Variants in XYLT1 observed in about 807,000 individuals in gnomAD.
XYLT1 encodes xylosyltransferase 1, also known as beta-D-xylosyltransferase 1.
A neutral mutation model predicts 91.3 loss-of-function variants in XYLT1; 36 were observed. The observed-to-expected ratio is 0.39, with a 90% CI of 0.30 to 0.52. XYLT1 has a LOEUF of 0.52. XYLT1 is among the 20% of genes least tolerant of loss of function. The pLI, the probability that XYLT1 is intolerant of heterozygous loss-of-function variation, is 0.68. For missense variants in XYLT1, 1,242 were observed against 1,284.5 expected (o/e 0.97, Z 0.51); for synonymous variants, 588 against 532.0 (o/e 1.11, Z -1.45).
At chr16:17,385,269 TACACACACACACACACACAC>T (rs566134163) in intron 1 of XYLT1, among the ~76,000 whole-genome samples, 1 of 119,912 alleles carries the variant, frequency 8.3e-6, no homozygotes, top group African/African-American at 2.8e-5. Flanking sequence ...TAAACACACA[TACACACACACACACACACAC>T]ACACACACAC....
At chr16:17,464,917 C>T (rs1318267733) in intron 1 of XYLT1, among the ~76,000 whole-genome samples, 14 of 151,720 alleles carry the variant, frequency 9.2e-5, no homozygotes, top group African/African-American at 2.4e-4. Context: ...GAGGCCGAGG[C>T]GGGCGGATCA....
chr16:17,232,186 T>A (rs1044132369), intron 3 of XYLT1, among the ~76,000 whole-genome samples: 17 of 143,434 alleles, frequency 1.2e-4, no homozygotes, highest in Non-Finnish European at 2.4e-4. Flanking sequence ...CAATATATAC[T>A]ATATATAAAA....
At chr16:17,317,319 A>G (rs974650895) in intron 2 of XYLT1, among the ~76,000 whole-genome samples, 4 of 152,062 alleles carry the variant, frequency 2.6e-5, no homozygotes, top group African/African-American at 9.7e-5. Flanking sequence ...GAATGCCCAA[A>G]TTAAAATTAA....
intron 1 of XYLT1, among the ~76,000 whole-genome samples, chr16:17,448,577 G>A (rs1372678215): frequency 1.3e-5 from 2 of 152,042 alleles, no homozygotes; most frequent in Non-Finnish European, 2.9e-5. Context: ...GAGGAAGGAG[G>A]GAGAGGAAGA....
chr16:17,168,600 T>A (rs1404457874), intron 5 of XYLT1, among the ~76,000 whole-genome samples: 3 of 107,316 alleles, frequency 2.8e-5, no homozygotes, highest in Admixed American at 2.6e-4. Context: ...AAAAGGTGAC[T>A]TTTTTTTTTA....
chr16:17,189,099 G>A (rs554961288), intron 5 of XYLT1, among the ~76,000 whole-genome samples: 6 of 152,324 alleles, frequency 3.9e-5, no homozygotes, highest in African/African-American at 1.4e-4. Context: ...ATCTGTGGGA[G>A]TAGAGAAGTA....
At chr16:17,390,693 C>T (rs2035806084) in intron 1 of XYLT1, among the ~76,000 whole-genome samples, 2 of 152,194 alleles carry the variant, frequency 1.3e-5, no homozygotes, top group South Asian at 4.1e-4. Flanking sequence ...TTCCCCAAAA[C>T]TAAACCACCT....
chr16:17,239,180 C>A (rs564458534), intron 3 of XYLT1, among the ~76,000 whole-genome samples: 2 of 152,316 alleles, frequency 1.3e-5, no homozygotes, highest in South Asian at 4.1e-4. Context: ...TCTTCACTTG[C>A]AGACTTGGAC....
chr16:17,161,786 T>C (rs113126288), intron 5 of XYLT1, among the ~76,000 whole-genome samples: 3 of 151,946 alleles, frequency 2.0e-5, no homozygotes, highest in Non-Finnish European at 4.4e-5. Flanking sequence ...ATCTATCTCA[T>C]CATCAATTTC....
In XYLT1 at chr16:17,163,021, T is replaced by C. The variant is rs116766339; in HGVS notation, c.1290-4112A>G. Among the ~76,000 whole-genome samples the C allele has an allele frequency of 2.0e-3, 298 of 152,360 alleles. 2 individuals are homozygous for C. The highest frequency in any genetic ancestry group is 6.8e-3 in the African/African-American group (284 of 41,590). ...GCATATAGTAATCCCCTGATAAATGTCAGCTATTATATAATAGCATTATTA... is the reference window on the plus strand; with the variant it reads ...GCATATAGTAATCCCCTGATAAATGCCAGCTATTATATAATAGCATTATTA... On this transcript the variant is annotated intron_variant, in intron 5 of 11. Transcript: ENST00000261381.
rs568903249 is a variant in XYLT1 at position 17,457,966 on chromosome 16, G to A, written c.363+12468C>T. On this transcript the variant is annotated intron_variant, in intron 1 of 11. Transcript: ENST00000261381. The stretch of plus-strand genomic sequence containing the variant: ...AGAATAACTTTTTCACATCCCCAAA[G>A]AAAGGATGCTTAATGAGGTAACTGT... Among the ~76,000 whole-genome samples, 12 of 152,292 alleles carry A rather than the reference G, an allele frequency of 7.9e-5. No homozygotes were observed. In the South Asian group the frequency reaches 2.5e-3, roughly 32 times the overall value.
chr16:17,183,959 A>C (rs1448154366), intron 5 of XYLT1, among the ~76,000 whole-genome samples: 1 of 152,072 alleles, frequency 6.6e-6, no homozygotes, highest in East Asian at 1.9e-4. Context: ...CCCTTATCCC[A>C]CTTTTAATAC....
chr16:17,358,086 G>GA (rs781591454), intron 1 of XYLT1, 36 bp from the exon 2 acceptor site: 16 of 1,586,368 alleles, frequency 1.0e-5, no homozygotes, highest in South Asian at 8.0e-5. Context: ...CGTGAGGAGT[G>GA]AAAAAAAGTT....
At chr16:17,233,286 G>A (rs1247727634) in intron 3 of XYLT1, among the ~76,000 whole-genome samples, 4 of 152,204 alleles carry the variant, frequency 2.6e-5, no homozygotes, top group African/African-American at 9.7e-5. Context: ...GGCACCAGAA[G>A]ACAAGTTTCA....
chr16:17,111,681 C>G (rs544252776), intron 11 of XYLT1, among the ~76,000 whole-genome samples: 1 of 152,220 alleles, frequency 6.6e-6, no homozygotes. Flanking sequence ...TTTGCCTTGA[C>G]TAACACAGAC....
chr16:17,264,408 TTTC>T (rs945604599), intron 2 of XYLT1, among the ~76,000 whole-genome samples: 8 of 152,238 alleles, frequency 5.3e-5, no homozygotes, highest in African/African-American at 1.9e-4. Flanking sequence ...GTTGCAGGAT[TTTC>T]TTCTTTTTGA....
At chr16:17,270,515 T>C (rs899737501) in intron 2 of XYLT1, among the ~76,000 whole-genome samples, 1 of 152,090 alleles carries the variant, frequency 6.6e-6, no homozygotes, top group Non-Finnish European at 1.5e-5. Context: ...GAGACAGCTG[T>C]GTGGTACAGA....
At chr16:17,219,425 C>T (rs1367349202) in intron 3 of XYLT1, among the ~76,000 whole-genome samples, 5 of 151,862 alleles carry the variant, frequency 3.3e-5, no homozygotes, top group African/African-American at 7.3e-5. Context: ...AATGAATGAA[C>T]GCTACATCTT....
chr16:17,297,645 C>T (rs1470912428), intron 2 of XYLT1, among the ~76,000 whole-genome samples: 1 of 152,080 alleles, frequency 6.6e-6, no homozygotes, highest in African/African-American at 2.4e-5. Context: ...ATCACTTGAG[C>T]CTAGGAGGTC....
Sources: gnomAD v4.1 joint callset for allele counts (sites outside exome capture counted in the v4.1 genomes callset) on GRCh38, gnomAD v4.1.1 for gene constraint, MANE v1.5 for transcripts, NCBI Gene and HGNC (gene_info 2026-07-23, HGNC 2026-07-21) for gene names.